DSCAM: variants seen among roughly 807,000 people sequenced by gnomAD.
The protein encoded by DSCAM is cell adhesion molecule DSCAM.
Under a neutral mutation model 217.7 loss-of-function variants are expected in DSCAM, and 47 were observed. The observed-to-expected ratio is 0.22, with a 90% CI of 0.17 to 0.28. The LOEUF is 0.28. Ranked by LOEUF, DSCAM falls within the 10% of genes least tolerant of loss-of-function variation. The pLI is 1.00. For synonymous variants in DSCAM, 1,056 were observed against 1,015.3 expected, an observed-to-expected ratio of 1.04 and a Z score of -0.76; for missense variants, 2,080 against 2,618.3, an observed-to-expected ratio of 0.79 and a Z score of 4.49.
chr21:40,579,179 T>C (rs562338634), intron 3 of DSCAM, among the ~76,000 whole-genome samples: 2 of 152,262 alleles, frequency 1.3e-5, no homozygotes, highest in East Asian at 3.9e-4. Context: ...GATGGGTCTG[T>C]GTTTTTTTGG....
chr21:40,421,214 T>C (rs954210882), intron 3 of DSCAM, among the ~76,000 whole-genome samples: 4 of 152,194 alleles, frequency 2.6e-5, no homozygotes, highest in Admixed American at 2.6e-4. Context: ...CTCAGGCCCA[T>C]CACTGCATCC....
At chr21:40,666,617 T>C (rs2090203364) in intron 3 of DSCAM, among the ~76,000 whole-genome samples, 1 of 152,198 alleles carries the variant, frequency 6.6e-6, no homozygotes, top group African/African-American at 2.4e-5. Context: ...TTTTTATAAG[T>C]ATGGTAAAGC....
At chr21:40,363,484 C>T (rs2074791655) in intron 4 of DSCAM, among the ~76,000 whole-genome samples, 1 of 151,988 alleles carries the variant, frequency 6.6e-6, no homozygotes, top group Non-Finnish European at 1.5e-5. Flanking sequence ...AACTCCTGAC[C>T]TCAAGTGGTC....
chr21:40,370,628 T>G (rs76111856), intron 3 of DSCAM, among the ~76,000 whole-genome samples: 6 of 102,454 alleles, frequency 5.9e-5, no homozygotes, highest in African/African-American at 3.3e-4. Context: ...TGGTTTATGG[T>G]TTTTTTTTTT....
At chr21:40,683,101 A>T (rs1272327601) in intron 3 of DSCAM, among the ~76,000 whole-genome samples, 1 of 152,158 alleles carries the variant, frequency 6.6e-6, no homozygotes, top group Non-Finnish European at 1.5e-5. Context: ...GCCTGATCTC[A>T]ATCTTCTAGG....
At chr21:40,232,824 G>A (rs1168087388) in intron 11 of DSCAM, among the ~76,000 whole-genome samples, 1 of 151,946 alleles carries the variant, frequency 6.6e-6, no homozygotes, top group African/African-American at 2.4e-5. Context: ...AACCTAGTAG[G>A]GTGATATTTA....
intron 3 of DSCAM, among the ~76,000 whole-genome samples, chr21:40,567,671 C>G (rs1424569076): frequency 2.6e-5 from 4 of 152,236 alleles, no homozygotes; most frequent in African/African-American, 9.6e-5. Context: ...CTCATCAGGC[C>G]CAACATCTGT....
At chr21:40,531,332 C>T (rs1169991743) in intron 3 of DSCAM, among the ~76,000 whole-genome samples, 2 of 152,224 alleles carry the variant, frequency 1.3e-5, no homozygotes, top group African/African-American at 2.4e-5. Context: ...AGCCACCACA[C>T]CTGTCTCATT....
intron 3 of DSCAM, among the ~76,000 whole-genome samples, chr21:40,618,165 A>G (rs1468486398): frequency 6.6e-6 from 1 of 150,884 alleles, no homozygotes; most frequent in African/African-American, 2.5e-5. Flanking sequence ...GATAAGAAGA[A>G]AATTGCTAGT....
At chr21:40,331,435 C>T (rs2074377215) in intron 8 of DSCAM, among the ~76,000 whole-genome samples, 1 of 152,162 alleles carries the variant, frequency 6.6e-6, no homozygotes, top group Non-Finnish European at 1.5e-5. Context: ...ACACTCACAG[C>T]ATTATTTTTA....
At chr21:40,539,516 A>G (rs559584411) in intron 3 of DSCAM, among the ~76,000 whole-genome samples, 41 of 152,210 alleles carry the variant, frequency 2.7e-4, no homozygotes, top group African/African-American at 8.9e-4. Flanking sequence ...AAAAGAAAAA[A>G]AAAAGAAAAA....
chr21:40,118,958 G>C (rs1231647124), intron 20 of DSCAM, among the ~76,000 whole-genome samples: 1 of 152,138 alleles, frequency 6.6e-6, no homozygotes, highest in African/African-American at 2.4e-5. Context: ...ACAGATTCTG[G>C]CTCGTGATTT....
chr21:40,449,665 T>A (rs2075703370), intron 3 of DSCAM, among the ~76,000 whole-genome samples: 1 of 152,218 alleles, frequency 6.6e-6, no homozygotes, highest in Non-Finnish European at 1.5e-5. Context: ...GCCTGTGTTC[T>A]TCTGGTGGCA....
chr21:40,662,498 G>T (rs2146382740), intron 3 of DSCAM, among the ~76,000 whole-genome samples: 1 of 152,304 alleles, frequency 6.6e-6, no homozygotes, highest in Non-Finnish European at 1.5e-5. Context: ...GCATTGAACA[G>T]CAGATATCAG....
chr21:40,280,366 T>C (rs369921175), intron 10 of DSCAM, among the ~76,000 whole-genome samples: 3 of 151,940 alleles, frequency 2.0e-5, no homozygotes, highest in East Asian at 3.9e-4. Flanking sequence ...CTTTAAAAAT[T>C]TTTTGTAAAG....
intron 3 of DSCAM, among the ~76,000 whole-genome samples, chr21:40,401,080 C>G (rs894089142): frequency 1.3e-5 from 2 of 152,160 alleles, no homozygotes; most frequent in Non-Finnish European, 2.9e-5. Context: ...CTTGAAGTAA[C>G]AGGATCACCT....
At chr21:40,752,056 T>C (rs1021241302) in intron 1 of DSCAM, among the ~76,000 whole-genome samples, 1 of 152,132 alleles carries the variant, frequency 6.6e-6, no homozygotes, top group Admixed American at 6.5e-5. Flanking sequence ...TAGACAAAAC[T>C]CCAAGAAGAG....
intron 28 of DSCAM, 21 bp from the exon 29 acceptor site, chr21:40,055,861 T>C: frequency 6.3e-7 from 1 of 1,577,170 alleles, no homozygotes. Flanking sequence ...AATGGGGTAA[T>C]GCATTAACAA....
At chr21:40,644,992 T>A (rs774122014) in intron 3 of DSCAM, among the ~76,000 whole-genome samples, 7 of 152,122 alleles carry the variant, frequency 4.6e-5, no homozygotes, top group Non-Finnish European at 1.0e-4. Flanking sequence ...AAGTAAAGAT[T>A]CAAGAAAAAA....
Sources: gnomAD v4.1 joint callset for allele counts (sites outside exome capture counted in the v4.1 genomes callset) on GRCh38, gnomAD v4.1.1 for gene constraint, MANE v1.5 for transcripts, NCBI Gene and HGNC (gene_info 2026-07-23, HGNC 2026-07-21) for gene names.